The following GLRB variants were observed in gnomAD, a reference collection of about 807,000 sequenced individuals.
GLRB encodes the protein glycine receptor beta.
A neutral mutation model predicts 54.2 loss-of-function variants in GLRB; 33 were observed. That is an observed-to-expected ratio of 0.61 (90% CI 0.46 to 0.81). GLRB has a LOEUF of 0.81. Among genes scored for constraint, GLRB ranks in the 40% least tolerant of loss-of-function variants. The probability of loss-of-function intolerance (pLI) is 0.00; values close to 1 mark genes in which losing one functional copy is unlikely to be tolerated. For synonymous variants in GLRB, 209 were observed against 208.2 expected, an observed-to-expected ratio of 1.00 and a Z score of -0.03; for missense variants, 572 against 584.6, an observed-to-expected ratio of 0.98 and a Z score of 0.22.
chr4:157,140,354 A>G lies in GLRB; in HGVS notation c.751+1405A>G, dbSNP rs759180292. ...GAATACATTACTTATTAAATTACTT[A>G]TTACTGGTGACTTATTACTTATTAA... On this transcript the variant is annotated intron_variant, in intron 7 of 9. Coordinates refer to ENST00000264428, the MANE Select transcript of GLRB (RefSeq NM_000824.5). Among the ~76,000 whole-genome samples the G allele has an allele frequency of 7.9e-5, 12 of 152,060 alleles. No homozygotes were observed. The Middle Eastern group carries it at 0.014, about 172-fold the overall frequency.
intron 4 of GLRB, among the ~76,000 whole-genome samples, chr4:157,133,926 T>A (rs1005658968): frequency 2.6e-5 from 4 of 152,048 alleles, no homozygotes; most frequent in African/African-American, 9.7e-5. Context: ...AACAAAGCTA[T>A]TTTTGGTATG....
intron 8 of GLRB, among the ~76,000 whole-genome samples, chr4:157,148,350 A>G (rs1278707955): frequency 1.3e-5 from 2 of 151,740 alleles, no homozygotes; most frequent in Admixed American, 6.6e-5. Context: ...AATTTTCTCT[A>G]TTTGTTTATT....
At chr4:157,104,524 A>G (rs560901751) in intron 2 of GLRB, among the ~76,000 whole-genome samples, 1 of 150,272 alleles carries the variant, frequency 6.7e-6, no homozygotes, top group South Asian at 2.2e-4. Flanking sequence ...TTTTCTTTTG[A>G]TGTGTTTTTT....
At position 157,120,714 on chromosome 4, in the gene GLRB, A is replaced by T. The variant is rs7671371; in HGVS notation, c.229+52A>T. The T allele has an allele frequency of 9.4e-3, 7,876 of 842,332 alleles. 52 individuals carry two copies. The highest frequency in any genetic ancestry group is 0.017 in the Middle Eastern group (54 of 3,234). The allele number at this position is 842,332 out of a possible 1,614,324, so 52.2% of individuals were successfully genotyped here. On this transcript the variant is annotated intron_variant, in intron 3 of 9. Coordinates refer to ENST00000264428, the MANE Select transcript of GLRB (RefSeq NM_000824.5). ...TTTTTATTGTTTAAAAATTAATTTT[A>T]TATGTTTAGAGATTTGTGATATTTT... is the stretch of plus-strand genomic sequence containing the variant.
chr4:157,077,496 G>A (rs1051391114), intron 1 of GLRB, among the ~76,000 whole-genome samples: 1 of 151,656 alleles, frequency 6.6e-6, no homozygotes, highest in Non-Finnish European at 1.5e-5. Context: ...TTAATACTTA[G>A]AATTTCTTTT....
At chr4:157,128,673 G>A (rs1440999085) in intron 4 of GLRB, among the ~76,000 whole-genome samples, 1 of 151,734 alleles carries the variant, frequency 6.6e-6, no homozygotes, top group Non-Finnish European at 1.5e-5. Flanking sequence ...CATAGATCTA[G>A]AAAAATTAAT....
At chr4:157,097,756 C>G (rs534848642) in intron 2 of GLRB, among the ~76,000 whole-genome samples, 1 of 152,338 alleles carries the variant, frequency 6.6e-6, no homozygotes, top group East Asian at 1.9e-4. Flanking sequence ...CACACTGGCT[C>G]ACGCCCGTAA....
chr4:157,161,535 A>C lies in GLRB; in HGVS notation c.1197+8525A>C, dbSNP rs563698402. ...TTTTAGGGCAGGCCTGGTGGTGACA[A>C]AATCTCTCAGCATTTGCTTGTCTGT... On this transcript the variant is annotated intron_variant, in intron 9 of 9. Coordinates refer to ENST00000264428, the MANE Select transcript of GLRB (RefSeq NM_000824.5). 1.5e-4 allele frequency among the ~76,000 whole-genome samples: 23 copies of C among 152,272 alleles called. No individual in the cohort carries two copies. In the East Asian group the frequency reaches 4.1e-3, roughly 27 times the overall value.
At chr4:157,160,173 G>A (rs7664404) in intron 9 of GLRB, among the ~76,000 whole-genome samples, 3,284 of 152,044 alleles carry the variant, frequency 0.022, 75 homozygotes, top group African/African-American at 0.051. Context: ...CGGGATCGGT[G>A]GTGATATACC....
chr4:157,150,482 A>T (rs745880023), intron 8 of GLRB, among the ~76,000 whole-genome samples: 1 of 152,024 alleles, frequency 6.6e-6, no homozygotes, highest in Non-Finnish European at 1.5e-5. Flanking sequence ...CAATCCTTTC[A>T]TCTGTTTCTT....
chr4:157,128,646 T>A (rs1736103870), intron 4 of GLRB, among the ~76,000 whole-genome samples: 1 of 151,830 alleles, frequency 6.6e-6, no homozygotes, highest in Non-Finnish European at 1.5e-5. Flanking sequence ...GCTCTCCTAA[T>A]AGAAATGGAC....
rs1308700849 is a variant in GLRB, at chr4:157,172,083, C to T, written c.*1355C>T. The T allele has an allele frequency of 1.3e-5, 2 of 151,790 alleles. No homozygotes were observed. The highest frequency in any genetic ancestry group is 4.8e-5 in the African/African-American group (2 of 41,404). 9.4% of individuals were successfully genotyped at this position (151,790 alleles called of 1,614,324 possible). On this transcript the variant is annotated 3_prime_UTR_variant, in exon 10 of 10. Coordinates refer to ENST00000264428, the MANE Select transcript of GLRB (RefSeq NM_000824.5). The stretch of plus-strand genomic sequence containing the variant: ...ATTCAATAATAAAGTATTGTTTATG[C>T]AAATTGCCATATGTAATTCAGTGCT...
intron 2 of GLRB, among the ~76,000 whole-genome samples, chr4:157,109,683 C>G (rs1345132776): frequency 1.3e-5 from 2 of 152,004 alleles, no homozygotes; most frequent in South Asian, 2.1e-4. Context: ...AGGTTGTGTC[C>G]TGTACTTCTG....
At chr4:157,164,356 T>C (rs917115647) in intron 9 of GLRB, among the ~76,000 whole-genome samples, 1 of 152,214 alleles carries the variant, frequency 6.6e-6, no homozygotes, top group South Asian at 2.1e-4. Flanking sequence ...CCTTATGTTA[T>C]GTGGAAGTGT....
chr4:157,090,868 G>A (rs1734585015), intron 2 of GLRB, among the ~76,000 whole-genome samples: 1 of 152,028 alleles, frequency 6.6e-6, no homozygotes, highest in African/African-American at 2.4e-5. Context: ...AACTCATGGT[G>A]GCTAATATTA....
intron 4 of GLRB, among the ~76,000 whole-genome samples, chr4:157,124,421 C>G (rs1735940398): frequency 6.6e-6 from 1 of 151,598 alleles, no homozygotes; most frequent in Non-Finnish European, 1.5e-5. Context: ...TCCTTTTATT[C>G]TCTAATGGAC....
intron 8 of GLRB, among the ~76,000 whole-genome samples, chr4:157,150,610 A>G (rs1736986064): frequency 6.6e-6 from 1 of 152,054 alleles, no homozygotes; most frequent in African/African-American, 2.4e-5. Context: ...TCAGATTCTC[A>G]GGTGCAATGT....
chr4:157,096,032 G>A lies in GLRB; in HGVS notation c.122+17886G>A, dbSNP rs114145657. Among the ~76,000 whole-genome samples, 579 of 152,278 alleles carry A rather than the reference G, an allele frequency of 3.8e-3. 2 individuals carry two copies. Among genetic ancestry groups the A allele is most frequent in the Middle Eastern group, 0.01 (3 of 294 alleles). On this transcript the variant is annotated intron_variant, in intron 2 of 9. Transcript: ENST00000264428. The stretch of plus-strand genomic sequence containing the variant: ...GACTGCAGAATGTCTGGGGCTGATG[G>A]CTGGAATTGGGAGTGGCCAGTTGGA...
chr4:157,107,522 C>T (rs62330459), intron 2 of GLRB, among the ~76,000 whole-genome samples: 1,934 of 152,192 alleles, frequency 0.013, 30 homozygotes, highest in Middle Eastern at 0.031. Context: ...ACCAAATGAC[C>T]TATGACATTC....
Sources: allele counts gnomAD v4.1 joint callset (sites outside exome capture counted in the v4.1 genomes callset), GRCh38; gene constraint gnomAD v4.1.1; transcripts MANE v1.5; gene names NCBI Gene and HGNC (gene_info 2026-07-23, HGNC 2026-07-21).